The following DROSHA variants were observed in gnomAD, a reference collection of about 807,000 sequenced individuals.
The protein encoded by DROSHA is ribonuclease 3.
Under a neutral mutation model 181.9 loss-of-function variants are expected in DROSHA, and 56 were observed. The ratio of observed to expected loss-of-function variants is 0.31; its 90% CI spans 0.25 to 0.38. The LOEUF is 0.38. Ranked by LOEUF, DROSHA falls within the 10% of genes least tolerant of loss-of-function variation. The pLI is 1.00. For missense variants in DROSHA, 1,218 were observed against 1,743.5 expected (o/e 0.70, Z 5.37); for synonymous variants, 524 against 591.2 (o/e 0.89, Z 1.65).
intron 20 of DROSHA, among the ~76,000 whole-genome samples, chr5:31,459,595 C>T (rs896111105): frequency 6.6e-6 from 1 of 152,168 alleles, no homozygotes; most frequent in Non-Finnish European, 1.5e-5. Flanking sequence ...ATTCCTCCTT[C>T]CCCCGCTACA....
chr5:31,460,334 C>A (rs1003987257), intron 20 of DROSHA, among the ~76,000 whole-genome samples: 2 of 152,186 alleles, frequency 1.3e-5, no homozygotes, highest in Non-Finnish European at 2.9e-5. Flanking sequence ...ATAGCACCCA[C>A]CCCTAGGTTT....
At position 31,526,485 on chromosome 5, in the gene DROSHA, A is replaced by T; in HGVS notation, c.448T>A (p.Ser150Thr). Residue 150 changes from serine to threonine, a missense_variant, in exon 5 of 36, where the codon TCC becomes ACC. Physicochemically the swap from Ser to Thr is moderately conservative, Grantham distance 58. Around this residue, in one of 8 missense-constraint regions of DROSHA, gnomAD observed 536 missense variants for 535.4 expected, o/e 1.00. Coordinates refer to ENST00000344624, the MANE Select transcript of DROSHA (RefSeq NM_001382508.1). Reference sequence around the variant, plus strand: ...GGAGGGGGCGGGGGATGAGGCATGGAGGGAGGGGGCATCATGAAGGGGAAA... The same window carrying T: ...GGAGGGGGCGGGGGATGAGGCATGGTGGGAGGGGGCATCATGAAGGGGAAA... ...GTFPFMMPPP[S>T]MPHPPPPPVM... The T allele has an allele frequency of 7.5e-7, 1 of 1,339,368 alleles. No individual in the cohort carries two copies. The highest frequency in any genetic ancestry group is 1.0e-6 in the Non-Finnish European group (1 of 960,828). The allele number at this position is 1,339,368 out of a possible 1,614,324, so 83.0% of individuals were successfully genotyped here. A position where few individuals can be genotyped will look rare whatever the true frequency, so the allele number is the denominator to read the frequency against.
At chr5:31,521,057 C>A (rs1464733864) in intron 6 of DROSHA, 66 bp downstream of exon 6, 1 of 1,552,062 alleles carries the variant, frequency 6.4e-7, no homozygotes, top group Non-Finnish European at 8.9e-7. Flanking sequence ...TTGCTCCATA[C>A]AAGCACAAAA....
intron 5 of DROSHA, among the ~76,000 whole-genome samples, chr5:31,525,128 C>T (rs925626985): frequency 6.6e-6 from 1 of 151,714 alleles, no homozygotes; most frequent in Non-Finnish European, 1.5e-5. Context: ...GTCAGGAGTT[C>T]GAGACTAGCC....
chr5:31,454,214 G>A (rs185877467), intron 20 of DROSHA, among the ~76,000 whole-genome samples: 8 of 152,114 alleles, frequency 5.3e-5, no homozygotes, highest in South Asian at 2.1e-4. Context: ...GAGTGAATAC[G>A]GGAGGACAGT....
intron 21 of DROSHA, among the ~76,000 whole-genome samples, chr5:31,451,117 G>A (rs868032596): frequency 3.2e-4 from 48 of 152,146 alleles, no homozygotes; most frequent in Middle Eastern, 3.4e-3. Context: ...CAGGAGAATC[G>A]CTTGAACCCA....
At chr5:31,529,176 C>G in intron 3 of DROSHA, 71 bp from the exon 4 acceptor site, 1 of 1,365,024 alleles carries the variant, frequency 7.3e-7, no homozygotes, top group Non-Finnish European at 1.0e-6. Flanking sequence ...AATATTTCTG[C>G]AATTACCATA....
At chr5:31,461,328 G>C (rs1748380524) in intron 20 of DROSHA, among the ~76,000 whole-genome samples, 1 of 152,124 alleles carries the variant, frequency 6.6e-6, no homozygotes, top group Admixed American at 6.6e-5. Flanking sequence ...TAAAATACCT[G>C]AGAATTTTAA....
intron 20 of DROSHA, among the ~76,000 whole-genome samples, chr5:31,453,071 G>T (rs1253220899): frequency 2.0e-5 from 3 of 152,158 alleles, no homozygotes; most frequent in East Asian, 3.9e-4. Flanking sequence ...ACTATTCAGT[G>T]CAACTGCCTT....
intron 6 of DROSHA, among the ~76,000 whole-genome samples, chr5:31,518,917 G>A (rs1026429564): frequency 1.3e-5 from 2 of 152,192 alleles, no homozygotes; most frequent in African/African-American, 4.8e-5. Context: ...TGAATGGTCA[G>A]GGTCAGTTGT....
rs1744457299 is a variant in DROSHA at position 31,433,667 on chromosome 5, C to T, written c.3043-1989G>A. 2.0e-5 allele frequency among the ~76,000 whole-genome samples: 3 copies of T among 152,170 alleles called. No homozygotes were observed. The South Asian group carries it at 6.2e-4, about 32-fold the overall frequency. On this transcript the variant is annotated intron_variant, in intron 25 of 35. Transcript: ENST00000344624. ...TCACGCCATTCTCCTGCCTCAGCCT[C>T]CCGAGTAGCCGGGACTACAGGCGCC... is the stretch of plus-strand genomic sequence containing the variant.
At chr5:31,480,362 T>C (rs1263314579) in intron 16 of DROSHA, among the ~76,000 whole-genome samples, 1 of 151,670 alleles carries the variant, frequency 6.6e-6, no homozygotes, top group Non-Finnish European at 1.5e-5. Flanking sequence ...CAAAACAGAA[T>C]ATAAAATTCT....
intron 20 of DROSHA, among the ~76,000 whole-genome samples, chr5:31,458,499 A>G (rs1403935387): frequency 6.6e-6 from 1 of 152,232 alleles, no homozygotes; most frequent in East Asian, 1.9e-4. Flanking sequence ...CAGAATTTGA[A>G]TATCATTTTG....
chr5:31,465,496 C>T (rs1649004167), intron 19 of DROSHA, among the ~76,000 whole-genome samples: 1 of 152,124 alleles, frequency 6.6e-6, no homozygotes, highest in African/African-American at 2.4e-5. Context: ...GCTGATTCAA[C>T]AAATTTAAGC....
chr5:31,436,436 A>G (rs1744795708), intron 24 of DROSHA, among the ~76,000 whole-genome samples: 1 of 142,810 alleles, frequency 7.0e-6, no homozygotes, highest in South Asian at 2.2e-4. Context: ...TCTGTCACCC[A>G]GGCTAAAGTG....
intron 14 of DROSHA, 150 bp downstream of exon 14, chr5:31,486,341 C>T (rs1370851154): frequency 1.4e-6 from 1 of 720,996 alleles, no homozygotes; most frequent in East Asian, 2.8e-5. Flanking sequence ...ACTAGAGCTA[C>T]ATTTCACTGA....
chr5:31,444,407 T>C (rs900597329), intron 23 of DROSHA, among the ~76,000 whole-genome samples: 1 of 152,208 alleles, frequency 6.6e-6, no homozygotes, highest in African/African-American at 2.4e-5. Context: ...GTCAATAATA[T>C]CATTTTCAAA....
intron 30 of DROSHA, among the ~76,000 whole-genome samples, chr5:31,412,608 G>A (rs1477912563): frequency 6.6e-6 from 1 of 152,120 alleles, no homozygotes; most frequent in East Asian, 1.9e-4. Context: ...ATCTTCATAA[G>A]CCATGCTTGC....
At chr5:31,515,851 T>C (rs1739219064) in intron 6 of DROSHA, among the ~76,000 whole-genome samples, 1 of 152,224 alleles carries the variant, frequency 6.6e-6, no homozygotes, top group Non-Finnish European at 1.5e-5. Context: ...CTCACAGATA[T>C]TAATATTAAC....
Sources: gnomAD v4.1 joint callset for allele counts (sites outside exome capture counted in the v4.1 genomes callset) on GRCh38, gnomAD v4.1.1 for gene constraint, gnomAD v4.1.1 regional missense constraint, MANE v1.5 for transcripts, NCBI Gene and HGNC (gene_info 2026-07-23, HGNC 2026-07-21) for gene names.